Variants in SIGLECL1 observed in about 807,000 individuals in gnomAD.
SIGLECL1 encodes SIGLEC family like 1.
SIGLECL1 carries 16 observed loss-of-function variants against 19.1 expected under a neutral mutation model. The ratio of observed to expected loss-of-function variants is 0.84; its 90% CI spans 0.57 to 1.27. The LOEUF is 1.27. Among genes scored for constraint, SIGLECL1 ranks in the 50% most tolerant of loss-of-function variants. The pLI is 0.00. For missense variants in SIGLECL1, 210 were observed against 239.4 expected (o/e 0.88, Z 0.81); for synonymous variants, 89 against 90.4 (o/e 0.98, Z 0.09).
chr19:51,258,746 A>C (rs1982987875), intron 1 of SIGLECL1, among the ~76,000 whole-genome samples: 1 of 152,198 alleles, frequency 6.6e-6, no homozygotes, highest in South Asian at 2.1e-4. Context: ...AGAGGGTGGA[A>C]ATCTTTATAA....
chr19:51,261,041 G>C (rs1983174610), intron 1 of SIGLECL1, among the ~76,000 whole-genome samples: 1 of 152,048 alleles, frequency 6.6e-6, no homozygotes, highest in African/African-American at 2.4e-5. Context: ...GTGGATGTCT[G>C]TTTCTCCTTT....
chr19:51,269,305 C>T lies in SIGLECL1; in HGVS notation c.*708C>T, dbSNP rs988744439. The T allele has an allele frequency of 6.6e-6, 1 of 152,124 alleles. No homozygotes were observed. Among genetic ancestry groups the T allele is most frequent in the South Asian group, 2.1e-4 (1 of 4,820 alleles). 9.4% of individuals were successfully genotyped at this position (152,124 alleles called of 1,614,324 possible). On this transcript the variant is annotated 3_prime_UTR_variant, in exon 6 of 6. Transcript: ENST00000601727. ...TTTATCACCAGCACCCAGAATGATG[C>T]CTAAAATACAATAAGATCTCAAGAA...
intron 1 of SIGLECL1, among the ~76,000 whole-genome samples, chr19:51,251,835 TC>T (rs1982504975): frequency 6.6e-6 from 1 of 152,178 alleles, no homozygotes; most frequent in Admixed American, 6.5e-5. Context: ...CATTAGTAAG[TC>T]AGCCCTTCCC....
chr19:51,258,401 C>A (rs10416406), intron 1 of SIGLECL1, among the ~76,000 whole-genome samples: 17,365 of 152,176 alleles, frequency 0.11, 3,331 homozygotes, highest in African/African-American at 0.4. Flanking sequence ...GTCACCTGTG[C>A]GTATAGAAAT....
chr19:51,264,492 C>T (rs1311441860), intron 2 of SIGLECL1: 1 of 157,830 alleles, frequency 6.3e-6, no homozygotes, highest in African/African-American at 2.4e-5. Flanking sequence ...GATTCCTCAA[C>T]AGCGCCCCGC....
In SIGLECL1 at chr19:51,254,654, G is replaced by A. The variant is rs116449498; in HGVS notation, c.-191+3109G>A. 2.7e-3 allele frequency among the ~76,000 whole-genome samples: 414 copies of A among 152,200 alleles called. 1 individual carries two copies. Among genetic ancestry groups the A allele is most frequent in the African/African-American group, 9.4e-3 (389 of 41,516 alleles). ...GGGTGGAGTTGGGGTTTGGGGAAAC[G>A]GGGAGTAAATGTTAATAGATATTGG... On this transcript the variant is annotated intron_variant, in intron 1 of 5. Coordinates refer to ENST00000601727, the MANE Select transcript of SIGLECL1 (RefSeq NM_001385465.1).
At position 51,267,632 on chromosome 19, in the gene SIGLECL1, C is replaced by G. The variant is rs1983779175; in HGVS notation, c.567+103C>G. ...TTTTGAAGGTGTTATCATCCTCAGTCTTGCAGGATACCTAATGCTAGAGTG... is the reference window on the plus strand; with the variant it reads ...TTTTGAAGGTGTTATCATCCTCAGTGTTGCAGGATACCTAATGCTAGAGTG... On this transcript the variant is annotated intron_variant, in intron 5 of 5. Transcript: ENST00000601727. 2.2e-6 allele frequency: 3 copies of G among 1,335,460 alleles called. No homozygotes were observed. The African/African-American group carries it at 4.4e-5, about 19-fold the overall frequency. The allele number at this position is 1,335,460 out of a possible 1,614,324, so 82.7% of individuals were successfully genotyped here.
Position 51,251,375 on chromosome 19 carries a change from A to G in SIGLECL1, c.-361A>G, listed in dbSNP as rs1425266490. 6.5e-6 allele frequency: 1 copy of G among 152,674 alleles called. No individual in the cohort carries two copies. Among genetic ancestry groups the G allele is most frequent in the Non-Finnish European group, 1.5e-5 (1 of 68,156 alleles). 9.5% of individuals were successfully genotyped at this position (152,674 alleles called of 1,614,324 possible). ...AGGCCACCAGGGCGGCTCTCGTGCC[A>G]GTGAGGCCCCTGAGAGCCCTTTGGT... On this transcript the variant is annotated 5_prime_UTR_variant, in exon 1 of 6. Transcript: ENST00000601727.
chr19:51,256,948 G>C (rs1982847412), intron 1 of SIGLECL1, among the ~76,000 whole-genome samples: 1 of 151,938 alleles, frequency 6.6e-6, no homozygotes, highest in Admixed American at 6.6e-5. Context: ...ATAGTTTTGA[G>C]TGTATTATAT....
At chr19:51,251,016 C>T (rs988383785), upstream of SIGLECL1, 8 of 152,270 alleles carry the variant, frequency 5.3e-5, no homozygotes, top group Admixed American at 4.6e-4. Flanking sequence ...AAAATAAGCA[C>T]ATGCAGCCTC....
upstream of SIGLECL1, among the ~76,000 whole-genome samples, chr19:51,246,630 G>A (rs552103110): frequency 1.3e-5 from 2 of 152,262 alleles, no homozygotes; most frequent in East Asian, 3.9e-4. Context: ...ACAAAGGCTG[G>A]AATGTAACAA....
At chr19:51,259,776 A>T (rs1983078583) in intron 1 of SIGLECL1, among the ~76,000 whole-genome samples, 1 of 152,246 alleles carries the variant, frequency 6.6e-6, no homozygotes, top group Admixed American at 6.5e-5. Context: ...TACCAGGGAA[A>T]TGCAAGGAGG....
intron 4 of SIGLECL1, 49 bp from the exon 5 acceptor site, chr19:51,267,324 G>A: frequency 6.3e-7 from 1 of 1,591,416 alleles, no homozygotes. Flanking sequence ...CCCATTTGGG[G>A]ATTCAGGGAG....
chr19:51,247,565 C>T (rs960116133), upstream of SIGLECL1, among the ~76,000 whole-genome samples: 1 of 152,052 alleles, frequency 6.6e-6, no homozygotes, highest in Non-Finnish European at 1.5e-5. Context: ...ACTACAGGTG[C>T]CTGCCACCAC....
At chr19:51,254,877 C>T (rs550966770) in intron 1 of SIGLECL1, among the ~76,000 whole-genome samples, 1 of 152,110 alleles carries the variant, frequency 6.6e-6, no homozygotes, top group East Asian at 1.9e-4. Flanking sequence ...TAAATAAAAA[C>T]CTGAAAATTT....
chr19:51,252,323 A>T (rs1235890028), intron 1 of SIGLECL1, among the ~76,000 whole-genome samples: 1 of 152,046 alleles, frequency 6.6e-6, no homozygotes, highest in Non-Finnish European at 1.5e-5. Context: ...AAGAAAAGAA[A>T]AAGAAAATAT....
In SIGLECL1 at chr19:51,265,579, G is replaced by A. The variant is rs1983585418; in HGVS notation, c.234G>A (p.Met78Ile). The stretch of plus-strand genomic sequence containing the variant: ...TCAGCCTAACTGAAGAGCCAGAAAT[G>A]GGCATGAGACTTCTCTGTGAGGGGA... ...STISLTEEPE[M>I]GMRLLCEGKN... Residue 78 changes from methionine to isoleucine, a missense_variant, in exon 3 of 6, where the codon ATG becomes ATA. Coordinates refer to ENST00000601727, the MANE Select transcript of SIGLECL1 (RefSeq NM_001385465.1). 7 of 1,614,134 alleles carry A rather than the reference G, an allele frequency of 4.3e-6. No individual in the cohort carries two copies. The highest frequency in any genetic ancestry group is 5.9e-6 in the Non-Finnish European group (7 of 1,180,026).
chr19:51,250,871 G>A (rs1982436157), upstream of SIGLECL1, among the ~76,000 whole-genome samples: 2 of 152,178 alleles, frequency 1.3e-5, no homozygotes, highest in South Asian at 4.1e-4. Flanking sequence ...AGGGGCACAC[G>A]CCTGTGGGCA....
At chr19:51,266,156 C>T (rs1983653062) in intron 4 of SIGLECL1, among the ~76,000 whole-genome samples, 1 of 152,144 alleles carries the variant, frequency 6.6e-6, no homozygotes, top group Non-Finnish European at 1.5e-5. Flanking sequence ...AGCAGCGAGT[C>T]CCCGGGGTGC....
Sources: allele counts gnomAD v4.1 joint callset (sites outside exome capture counted in the v4.1 genomes callset), GRCh38; gene constraint gnomAD v4.1.1; transcripts MANE v1.5; gene names NCBI Gene and HGNC (gene_info 2026-07-23, HGNC 2026-07-21).